Variants in HEATR5B observed in about 807,000 individuals in gnomAD.
HEATR5B encodes the protein HEAT repeat-containing protein 5B.
Under a neutral mutation model 224.1 loss-of-function variants are expected in HEATR5B, and 156 were observed. That is an observed-to-expected ratio of 0.70 (90% confidence interval 0.61 to 0.80). The LOEUF (loss-of-function observed/expected upper bound fraction) is 0.80. Ranked by LOEUF, HEATR5B falls within the 30% of genes least tolerant of loss-of-function variation. The pLI, the probability that HEATR5B is intolerant of heterozygous loss-of-function variation, is 0.00. For missense variants in HEATR5B, 2,323 were observed against 2,535.5 expected, an observed-to-expected ratio of 0.92 and a Z score of 1.80; for synonymous variants, 1,027 against 893.0, an observed-to-expected ratio of 1.15 and a Z score of -2.68.
At chr2:36,990,609 G>A (rs1423899498) in intron 34 of HEATR5B, 39 bp downstream of exon 34, 1 of 1,460,532 alleles carries the variant, frequency 6.8e-7, no homozygotes, top group African/African-American at 1.4e-5. Context: ...CTGATAAAGG[G>A]AAATGTTTTT....
intron 17 of HEATR5B, among the ~76,000 whole-genome samples, chr2:37,051,890 AC>A (rs1041370657): frequency 6.6e-6 from 1 of 151,808 alleles, no homozygotes; most frequent in Non-Finnish European, 1.5e-5. Flanking sequence ...CAGGCACCTG[AC>A]ACCACGCCTG....
rs186421597 is a variant in HEATR5B, at chr2:37,003,641, T to A, written c.4951A>T (p.Thr1651Ser). 6.2e-7 allele frequency: 1 copy of A among 1,612,590 alleles called. No homozygotes were observed. Among genetic ancestry groups the A allele is most frequent in the East Asian group, 2.2e-5 (1 of 44,846 alleles). The part of the protein sequence containing the change: ...LLSVLHRLLL[T>S]WNPSSVQLLV... ...AGCTGGACAGATGATGGATTCCAGG[T>A]CAATAGAAGGCGGTGCAAAACACTC... Residue 1651 changes from threonine to serine, a missense_variant, in exon 31 of 36, where the codon ACC (threonine) becomes TCC (serine). Thr to Ser is a moderately conservative substitution (Grantham distance 58). This residue lies in a region of HEATR5B where 844 missense variants were observed against 812.9 expected (regional missense o/e 1.04). Transcript: ENST00000233099.
chr2:37,026,229 A>G (rs1290117548), intron 24 of HEATR5B, among the ~76,000 whole-genome samples: 1 of 152,172 alleles, frequency 6.6e-6, no homozygotes, highest in African/African-American at 2.4e-5. Flanking sequence ...CAGCATATAC[A>G]AGCTGGAAAG....
chr2:37,012,549 C>T (rs2148411514), intron 27 of HEATR5B, among the ~76,000 whole-genome samples: 1 of 152,206 alleles, frequency 6.6e-6, no homozygotes, highest in South Asian at 2.1e-4. Context: ...CACCACCATG[C>T]CAGGGTAATT....
chr2:37,010,657 G>A (rs184227521), intron 27 of HEATR5B, among the ~76,000 whole-genome samples: 2 of 152,056 alleles, frequency 1.3e-5, no homozygotes, highest in African/African-American at 4.8e-5. Context: ...GGGATTACAG[G>A]CACACACCAG....
intron 5 of HEATR5B, among the ~76,000 whole-genome samples, chr2:37,074,475 A>C (rs866784636): frequency 2.4e-4 from 37 of 152,212 alleles, no homozygotes; most frequent in African/African-American, 8.2e-4. Flanking sequence ...TTCTAGAAGG[A>C]AACACAGGAC....
At chr2:37,050,825 A>G (rs1459684741) in intron 17 of HEATR5B, among the ~76,000 whole-genome samples, 1 of 152,114 alleles carries the variant, frequency 6.6e-6, no homozygotes, top group African/African-American at 2.4e-5. Flanking sequence ...AGATCATGAC[A>G]TCAGGAGATC....
At chr2:37,022,346 T>C (rs971655208) in intron 24 of HEATR5B, among the ~76,000 whole-genome samples, 1 of 152,176 alleles carries the variant, frequency 6.6e-6, no homozygotes, top group African/African-American at 2.4e-5. Flanking sequence ...GCCCAGCTAA[T>C]TGTTGTATTT....
intron 20 of HEATR5B, among the ~76,000 whole-genome samples, chr2:37,039,513 A>T (rs1417360163): frequency 6.6e-6 from 1 of 152,114 alleles, no homozygotes; most frequent in African/African-American, 2.4e-5. Flanking sequence ...TCTTACTCCA[A>T]CCACTCACTA....
Position 37,003,548 on chromosome 2 carries a change from T to A in HEATR5B, c.5044A>T (p.Thr1682Ser). The change falls in exon 31 of 36, where the codon ACT becomes TCT. Residue 1682 changes from threonine (T) to serine (S), a missense_variant. Around this residue, in one of 12 missense-constraint regions of HEATR5B, gnomAD observed 844 missense variants for 812.9 expected, o/e 1.04. Transcript: ENST00000233099. Reference sequence around the variant, plus strand: ...TGTAATTTCTAGTGCTTACTTAGAGTGTTTCTTTTCTCTTGCAAATAATCC... The same window carrying A: ...TGTAATTTCTAGTGCTTACTTAGAGAGTTTCTTTTCTCTTGCAAATAATCC... The part of the protein sequence containing the change: ...AQDYLQEKRN[T>S]LNEDDMEKEA... 1 of 1,601,478 alleles carries A rather than the reference T, an allele frequency of 6.2e-7. No homozygotes were observed. Among genetic ancestry groups the A allele is most frequent in the Non-Finnish European group, 8.5e-7 (1 of 1,172,954 alleles).
chr2:37,082,052 CTTTTTTTTT>C (rs61036576), intron 2 of HEATR5B, among the ~76,000 whole-genome samples: 42 of 23,952 alleles, frequency 1.8e-3, no homozygotes, highest in South Asian at 9.7e-3. Flanking sequence ...GAAGTATCTA[CTTTTTTTTT>C]TTTTTTTTTT....
intron 18 of HEATR5B, among the ~76,000 whole-genome samples, chr2:37,042,998 C>G: frequency 6.6e-6 from 1 of 151,954 alleles, no homozygotes; most frequent in East Asian, 1.9e-4. Flanking sequence ...TATCTGTGCC[C>G]TAACTGAAGA....
chr2:37,037,120 T>C (rs561785908), intron 21 of HEATR5B, among the ~76,000 whole-genome samples: 1 of 102,272 alleles, frequency 9.8e-6, no homozygotes, highest in Non-Finnish European at 2.1e-5. Flanking sequence ...GGAAATAAAA[T>C]TCCGAGTAGG....
chr2:37,049,344 G>A lies in HEATR5B; in HGVS notation c.2696+309C>T, dbSNP rs553687028. Among the ~76,000 whole-genome samples, 153 of 152,290 alleles carry A rather than the reference G, an allele frequency of 1.0e-3. 2 individuals carry two copies. The South Asian group carries it at 0.03, about 30-fold the overall frequency. On this transcript the variant is annotated intron_variant, in intron 18 of 35. Transcript: ENST00000233099. The stretch of plus-strand genomic sequence containing the variant: ...AAAGGGAGGGAGGAGAGAAAATGAC[G>A]TCAGAGCACCTCTTCAGTGAATACA...
intron 24 of HEATR5B, among the ~76,000 whole-genome samples, chr2:37,022,165 A>T (rs1425970691): frequency 6.7e-6 from 1 of 150,096 alleles, no homozygotes; most frequent in South Asian, 2.2e-4. Context: ...TTTATAGGCT[A>T]TATTATCTCT....
At chr2:37,067,709 T>C (rs1033723753) in intron 8 of HEATR5B, among the ~76,000 whole-genome samples, 1 of 151,976 alleles carries the variant, frequency 6.6e-6, no homozygotes, top group Non-Finnish European at 1.5e-5. Flanking sequence ...GAGGTGGAGG[T>C]TGTAGTGAGC....
chr2:37,066,274 A>G (rs1460449105), intron 8 of HEATR5B, among the ~76,000 whole-genome samples: 1 of 152,224 alleles, frequency 6.6e-6, no homozygotes, highest in Non-Finnish European at 1.5e-5. Context: ...CAAGATGTTC[A>G]ATTTTTCTGT....
At chr2:37,015,720 A>G (rs1668069823) in intron 26 of HEATR5B, among the ~76,000 whole-genome samples, 1 of 152,210 alleles carries the variant, frequency 6.6e-6, no homozygotes, top group Admixed American at 6.5e-5. Flanking sequence ...ACATTTTTAC[A>G]TGCTGCATTC....
rs573613038 is a variant in HEATR5B at position 37,037,712 on chromosome 2, G to C, written c.3216+143C>G. Reference sequence around the variant, plus strand: ...ATGGATACCACATTCACTCTGATGTGATTATTATATACTGTAGGCTTGCAT... The same window carrying C: ...ATGGATACCACATTCACTCTGATGTCATTATTATATACTGTAGGCTTGCAT... On this transcript the variant is annotated intron_variant, in intron 21 of 35. Transcript: ENST00000233099. 2.9e-5 allele frequency: 12 copies of C among 420,540 alleles called. No homozygotes were observed. The South Asian group carries it at 1.2e-3, about 40-fold the overall frequency. The allele number at this position is 420,540 out of a possible 1,614,324, so 26.1% of individuals were successfully genotyped here.
Sources: allele counts gnomAD v4.1 joint callset (sites outside exome capture counted in the v4.1 genomes callset), GRCh38; gene constraint gnomAD v4.1.1; regional missense constraint gnomAD v4.1.1; transcripts MANE v1.5; gene names NCBI Gene and HGNC (gene_info 2026-07-23, HGNC 2026-07-21).